IL10RA: variants seen among roughly 807,000 people sequenced by gnomAD.
IL10RA encodes interleukin-10 receptor subunit alpha.
Under a neutral mutation model 29.6 loss-of-function variants are expected in IL10RA, and 18 were observed. That is an observed-to-expected ratio of 0.61 (90% CI 0.42 to 0.90). The LOEUF (loss-of-function observed/expected upper bound fraction) is 0.90. IL10RA is among the 40% of genes least tolerant of loss of function. The probability of loss-of-function intolerance (pLI) is 0.00; values close to 1 mark genes in which losing one functional copy is unlikely to be tolerated. For missense variants in IL10RA, 634 were observed against 716.6 expected (o/e 0.88, Z 1.32); for synonymous variants, 292 against 294.1 (o/e 0.99, Z 0.07).
intron 5 of IL10RA, chr11:117,995,026 T>C (rs2058046881): frequency 5.9e-6 from 1 of 169,616 alleles, no homozygotes; most frequent in Non-Finnish European, 1.3e-5. Context: ...TTTTGAGGTA[T>C]ATGACTTTGG....
At position 117,993,428 on chromosome 11, in the gene IL10RA, G is replaced by T. The variant is rs975321526; in HGVS notation, c.537+18G>T. 2.5e-5 allele frequency: 40 copies of T among 1,611,230 alleles called. No homozygotes were observed. The highest frequency in any genetic ancestry group is 3.1e-5 in the Non-Finnish European group (37 of 1,177,660). On this transcript the variant is annotated intron_variant, in intron 4 of 6. Transcript: ENST00000227752. ...ACTTCACGGTATGGGGTTCCCCAAGGCCCCAGGGCCAGAACTCCCTTGGCT... is the reference window on the plus strand; with the variant it reads ...ACTTCACGGTATGGGGTTCCCCAAGTCCCCAGGGCCAGAACTCCCTTGGCT...
Position 117,986,461 on chromosome 11 carries a change from G to GC in IL10RA, c.-4dup. 1 of 1,551,892 alleles carries GC rather than the reference G, an allele frequency of 6.4e-7. No homozygotes were observed. Among genetic ancestry groups the GC allele is most frequent in the African/African-American group, 1.4e-5 (1 of 73,196 alleles). On this transcript the variant is annotated 5_prime_UTR_variant, in exon 1 of 7. Transcript: ENST00000227752. ...GCTCCGGCCCCGGACGATGCGGCGCGCCCAGGATGCTGCCGTGCCTCGTAG... is the reference window on the plus strand; with the variant it reads ...GCTCCGGCCCCGGACGATGCGGCGCGCCCCAGGATGCTGCCGTGCCTCGTAG...
chr11:117,997,892 A>G (rs149631582), intron 6 of IL10RA, among the ~76,000 whole-genome samples: 19 of 152,316 alleles, frequency 1.2e-4, no homozygotes, highest in African/African-American at 4.6e-4. Flanking sequence ...GACCTAAGCC[A>G]TGTACAGGAC....
chr11:118,001,162 G>T lies in IL10RA; in HGVS notation c.*1521G>T, dbSNP rs1476260448. On this transcript the variant is annotated 3_prime_UTR_variant, in exon 7 of 7. Transcript: ENST00000227752. ...GCAGGCTTGAGGGAGGATTCCTCAG[G>T]GTTCCCTTGAAAGCTTTATTTATTT... 2.2e-6 allele frequency: 1 copy of T among 454,072 alleles called. No individual in the cohort carries two copies. Among genetic ancestry groups the T allele is most frequent in the African/African-American group, 2.0e-5 (1 of 49,976 alleles). 28.1% of individuals were successfully genotyped at this position (454,072 alleles called of 1,614,324 possible).
At chr11:117,987,883 G>A (rs564211406) in intron 1 of IL10RA, 3 of 210,954 alleles carry the variant, frequency 1.4e-5, no homozygotes, top group East Asian at 1.2e-4. Flanking sequence ...AGCTTGGGGA[G>A]CCCAGGAGAC....
intron 5 of IL10RA, 26 bp from the exon 6 acceptor site, chr11:117,995,563 A>G (rs769775425): frequency 6.2e-7 from 1 of 1,611,916 alleles, no homozygotes; most frequent in South Asian, 1.1e-5. Flanking sequence ...GTGACAGGCC[A>G]CAAACACATC....
intron 1 of IL10RA, chr11:117,987,057 A>G (rs1326489938): frequency 5.4e-6 from 2 of 370,684 alleles, no homozygotes; most frequent in Admixed American, 3.3e-5. Context: ...TAACCCAGCC[A>G]GTTCAGGCTT....
chr11:117,993,555 G>A (rs566385326), intron 4 of IL10RA, 145 bp downstream of exon 4: 4 of 751,438 alleles, frequency 5.3e-6, no homozygotes, highest in Non-Finnish European at 9.4e-6. Flanking sequence ...GGAGGGAGTA[G>A]AAACCACCTC....
Position 118,001,325 on chromosome 11 carries a change from G to A in IL10RA, c.*1684G>A, listed in dbSNP as rs143719655. The A allele has an allele frequency of 3.1e-4, 141 of 454,202 alleles. No homozygotes were observed. Among genetic ancestry groups the A allele is most frequent in the African/African-American group, 1.5e-3 (74 of 50,124 alleles). 28.1% of individuals were successfully genotyped at this position (454,202 alleles called of 1,614,324 possible). A position where few individuals can be genotyped will look rare whatever the true frequency, so the allele number is the denominator to read the frequency against. ...TGGAGAAGTCACTTATCCTCTTGGA[G>A]CCTCAGTTTCCTCATCTGCAGAATA... On this transcript the variant is annotated 3_prime_UTR_variant, in exon 7 of 7. Transcript: ENST00000227752.
downstream of IL10RA, chr11:118,001,544 T>C (rs2058095912): frequency 2.7e-6 from 1 of 373,040 alleles, no homozygotes; most frequent in South Asian, 2.1e-5. Context: ...CGGTTGTTGA[T>C]AATGAGGAGG....
In IL10RA at chr11:117,999,435, G is replaced by GC; in HGVS notation, c.1535dup (p.Thr513AsnfsTer9). The GC allele has an allele frequency of 1.2e-6, 2 of 1,614,236 alleles. No individual in the cohort carries two copies. The highest frequency in any genetic ancestry group is 1.7e-6 in the Non-Finnish European group (2 of 1,180,036). On this transcript the variant is annotated frameshift_variant, in exon 7 of 7. Coordinates refer to ENST00000227752, the MANE Select transcript of IL10RA (RefSeq NM_001558.4). LOFTEE classifies it low-confidence loss of function (END_TRUNC). ...AGAAATGACTCTGGCTTCCTCAGGGGCCCCAACGGGACAGTGGAACCAGCC... is the reference window on the plus strand; with the variant it reads ...AGAAATGACTCTGGCTTCCTCAGGGGCCCCCAACGGGACAGTGGAACCAGCC...
At chr11:118,001,536 G>A (rs2058095793), downstream of IL10RA, 4 of 375,006 alleles carry the variant, frequency 1.1e-5, no homozygotes, top group South Asian at 8.2e-5. Flanking sequence ...GGAGGACTCG[G>A]TTGTTGATAA....
At position 117,993,225 on chromosome 11, in the gene IL10RA, C is replaced by T; in HGVS notation, c.368-16C>T. The T allele has an allele frequency of 1.2e-6, 2 of 1,613,084 alleles. No homozygotes were observed. Among genetic ancestry groups the T allele is most frequent in the Non-Finnish European group, 1.7e-6 (2 of 1,179,098 alleles). Reference sequence around the variant, plus strand: ...TCAAGTCTCATGGTATTCCCCCCCACCCCAACTCCATTTAGTGACTCTGAC... The same window carrying T: ...TCAAGTCTCATGGTATTCCCCCCCATCCCAACTCCATTTAGTGACTCTGAC... On this transcript the variant is annotated splice_polypyrimidine_tract_variant and intron_variant, in intron 3 of 6. Coordinates refer to ENST00000227752, the MANE Select transcript of IL10RA (RefSeq NM_001558.4).
At chr11:117,998,428 G>T (rs1236630671) in intron 6 of IL10RA, among the ~76,000 whole-genome samples, 2 of 152,214 alleles carry the variant, frequency 1.3e-5, no homozygotes, top group East Asian at 3.8e-4. Flanking sequence ...AAGCACTGTG[G>T]ATGGAGCCAC....
downstream of IL10RA, chr11:118,001,700 C>T (rs1037098624): frequency 1.0e-5 from 3 of 285,908 alleles, no homozygotes; most frequent in Non-Finnish European, 2.1e-5. Context: ...TTAATTTCCC[C>T]ACCTGTCACG....
chr11:117,994,030 T>C lies in IL10RA; in HGVS notation c.569T>C (p.Phe190Ser). 6.2e-7 allele frequency: 1 copy of C among 1,614,112 alleles called. No individual in the cohort carries two copies. Among genetic ancestry groups the C allele is most frequent in the Non-Finnish European group, 8.5e-7 (1 of 1,179,924 alleles). ...CACAAGAAAGTAAAACATGAAAACT[T>C]CAGCCTCCTAACCTCTGGAGAAGTG... is the stretch of plus-strand genomic sequence containing the variant. ...FTHKKVKHEN[F>S]SLLTSGEVGE... The change falls in exon 5 of 7, where the codon TTC becomes TCC. Residue 190 changes from phenylalanine (F) to serine (S), a missense_variant. Transcript: ENST00000227752.
chr11:117,999,120 G>C lies in IL10RA; in HGVS notation c.1216G>C (p.Val406Leu), dbSNP rs1182935099. The C allele has an allele frequency of 2.5e-6, 4 of 1,613,130 alleles. No homozygotes were observed. The highest frequency in any genetic ancestry group is 3.4e-6 in the Non-Finnish European group (4 of 1,179,094). ...RGQDDSGIDL[V>L]QNSEGRAGDT... ...CCAGGATGACAGTGGCATTGACTTA[G>C]TTCAAAACTCTGAGGGCCGGGCTGG... The change falls in exon 7 of 7, where the codon GTT becomes CTT. Residue 406 changes from valine (V) to leucine (L), a missense_variant. Val to Leu is a conservative substitution (Grantham distance 32, BLOSUM62 1). Coordinates refer to ENST00000227752, the MANE Select transcript of IL10RA (RefSeq NM_001558.4).
At position 117,998,727 on chromosome 11, in the gene IL10RA, C is replaced by G; in HGVS notation, c.823C>G (p.Pro275Ala). ...KLPSVLLFKK[P>A]SPFIFISQRP... is the part of the protein sequence containing the mutation. ...CTCTCTTCCCCAGCTCTTCAAGAAG[C>G]CCAGCCCCTTCATCTTCATCAGCCA... Residue 275 changes from proline to alanine, a missense_variant, in exon 7 of 7, where the codon CCC becomes GCC. By Grantham distance (27) the Pro-to-Ala change is conservative. Transcript: ENST00000227752. 1.2e-6 allele frequency: 2 copies of G among 1,614,096 alleles called. No individual in the cohort carries two copies. The highest frequency in any genetic ancestry group is 1.7e-6 in the Non-Finnish European group (2 of 1,179,960).
At chr11:117,998,615 T>C (rs1224553105) in intron 6 of IL10RA, 100 bp from the exon 7 acceptor site, 1 of 942,500 alleles carries the variant, frequency 1.1e-6, no homozygotes, top group African/African-American at 1.6e-5. Flanking sequence ...TGTAGTCTCC[T>C]CCATCGAGCT....
Sources: allele counts gnomAD v4.1 joint callset (sites outside exome capture counted in the v4.1 genomes callset), GRCh38; gene constraint gnomAD v4.1.1; transcripts MANE v1.5; gene names NCBI Gene and HGNC (gene_info 2026-07-23, HGNC 2026-07-21).